ZNF442: variants seen among roughly 807,000 people sequenced by gnomAD.
ZNF442 encodes the protein zinc finger protein 442.
In ZNF442, 45 loss-of-function variants were observed where a neutral mutation model predicts 57.0. That is an observed-to-expected ratio of 0.79 (90% confidence interval 0.62 to 1.01). The LOEUF is 1.01. Among genes scored for constraint, ZNF442 ranks in the 50% least tolerant of loss-of-function variants. ZNF442 has a pLI of 0.00. For synonymous variants in ZNF442, 213 were observed against 241.8 expected (o/e 0.88, Z 1.10); for missense variants, 690 against 756.5 (o/e 0.91, Z 1.03).
chr19:12,361,890 T>C (rs1969434162), intron 3 of ZNF442, among the ~76,000 whole-genome samples: 1 of 152,182 alleles, frequency 6.6e-6, no homozygotes, highest in South Asian at 2.1e-4. Flanking sequence ...TGACTGGTTT[T>C]CATATTTTTT....
In ZNF442 at chr19:12,352,904, G is replaced by A. The variant is rs528568839; in HGVS notation, c.205+84C>T. Reference sequence around the variant, plus strand: ...TGAAGGGTCAACTATATCCCCTTTCGGTATTTCAAATCATTCAACAGCATT... The same window carrying A: ...TGAAGGGTCAACTATATCCCCTTTCAGTATTTCAAATCATTCAACAGCATT... On this transcript the variant is annotated intron_variant, in intron 4 of 5. Coordinates refer to ENST00000242804, the MANE Select transcript of ZNF442 (RefSeq NM_030824.3). The A allele has an allele frequency of 2.0e-4, 306 of 1,510,728 alleles. 6 individuals are homozygous for A. Among genetic ancestry groups the A allele is most frequent in the South Asian group, 1.2e-3 (94 of 80,180 alleles). 93.6% of individuals were successfully genotyped at this position (1,510,728 alleles called of 1,614,324 possible).
Position 12,365,562 on chromosome 19 carries a change from TC to T in ZNF442, c.-513del. 1 of 477,882 alleles carries T rather than the reference TC, an allele frequency of 2.1e-6. No homozygotes were observed. The highest frequency in any genetic ancestry group is 6.7e-5 in the East Asian group (1 of 15,024). The allele number at this position is 477,882 out of a possible 1,614,324, so 29.6% of individuals were successfully genotyped here. On this transcript the variant is annotated 5_prime_UTR_variant, in exon 1 of 6. It introduces an in-frame stop codon into an upstream open reading frame of the 5' UTR. Coordinates refer to ENST00000242804, the MANE Select transcript of ZNF442 (RefSeq NM_030824.3). ...TCCCGGCTTCCGCGGTGTCCCGTGT[TC>T]TCCCCAAGGTTCCCCGCTGCCAGCA...
chr19:12,349,486 T>C lies in ZNF442; in HGVS notation c.*215A>G, dbSNP rs993455541. ...TGCAGGAGGATGTGGATAGGTTACA[T>C]GCAAATGTCCTTTTATAAAAGGAAC... On this transcript the variant is annotated 3_prime_UTR_variant, in exon 6 of 6. Transcript: ENST00000242804. The C allele has an allele frequency of 6.5e-6, 3 of 464,174 alleles. No homozygotes were observed. 28.8% of individuals were successfully genotyped at this position (464,174 alleles called of 1,614,324 possible).
chr19:12,370,397 C>T (rs1969571118), upstream of ZNF442, among the ~76,000 whole-genome samples: 1 of 151,968 alleles, frequency 6.6e-6, no homozygotes, highest in African/African-American at 2.4e-5. Flanking sequence ...GCTGTAAATA[C>T]AGGTAAAGCT....
upstream of ZNF442, among the ~76,000 whole-genome samples, chr19:12,369,922 C>T (rs1053239898): frequency 5.3e-5 from 8 of 150,956 alleles, no homozygotes; most frequent in Non-Finnish European, 8.8e-5. Context: ...AAAAACACGA[C>T]GAGAAAGCTG....
At chr19:12,362,010 G>A (rs1024866503) in intron 3 of ZNF442, among the ~76,000 whole-genome samples, 1 of 152,192 alleles carries the variant, frequency 6.6e-6, no homozygotes, top group East Asian at 1.9e-4. Flanking sequence ...ACGGAGTCTC[G>A]TTCACTCAGT....
chr19:12,362,214 C>A (rs1568490777), intron 3 of ZNF442, among the ~76,000 whole-genome samples: 1 of 152,096 alleles, frequency 6.6e-6, no homozygotes, highest in Admixed American at 6.5e-5. Context: ...CTCTGCCTGG[C>A]CGCCCAGTCT....
upstream of ZNF442, among the ~76,000 whole-genome samples, chr19:12,367,032 A>T (rs966284640): frequency 6.6e-6 from 1 of 152,242 alleles, no homozygotes; most frequent in African/African-American, 2.4e-5. Context: ...GGATCTTGTT[A>T]GGTACCAGGC....
chr19:12,353,130 T>G lies in ZNF442; in HGVS notation c.79-16A>C, dbSNP rs368397290. On this transcript the variant is annotated splice_polypyrimidine_tract_variant and intron_variant, in intron 3 of 5. Coordinates refer to ENST00000242804, the MANE Select transcript of ZNF442 (RefSeq NM_030824.3). ...CTACTGAATCCTGAAACACCCCACA[T>G]GTACAAAGGAGTAAGGCTGAGACTG... 2 of 1,598,932 alleles carry G rather than the reference T, an allele frequency of 1.3e-6. No homozygotes were observed. Among genetic ancestry groups the G allele is most frequent in the Non-Finnish European group, 1.7e-6 (2 of 1,175,488 alleles).
At position 12,361,800 on chromosome 19, in the gene ZNF442, G is replaced by A. The variant is rs905799574; in HGVS notation, c.78+1754C>T. On this transcript the variant is annotated intron_variant, in intron 3 of 5. Coordinates refer to ENST00000242804, the MANE Select transcript of ZNF442 (RefSeq NM_030824.3). Reference sequence around the variant, plus strand: ...GGCTGGACTGTAGTGCCGCCATCTCGGCTCACTGCAACCTCCCTGCTGGAT... The same window carrying A: ...GGCTGGACTGTAGTGCCGCCATCTCAGCTCACTGCAACCTCCCTGCTGGAT... Among the ~76,000 whole-genome samples the A allele has an allele frequency of 2.0e-5, 3 of 151,082 alleles. No homozygotes were observed. The Admixed American group carries it at 2.0e-4, about 10-fold the overall frequency.
chr19:12,357,567 G>C (rs1334924243), intron 3 of ZNF442, among the ~76,000 whole-genome samples: 1 of 151,170 alleles, frequency 6.6e-6, no homozygotes, highest in Non-Finnish European at 1.5e-5. Flanking sequence ...TGGCCAGGCT[G>C]GTCTCGAACT....
At chr19:12,355,286 ATC>A (rs1042680415) in intron 3 of ZNF442, among the ~76,000 whole-genome samples, 11 of 138,262 alleles carry the variant, frequency 8.0e-5, no homozygotes, top group African/African-American at 3.1e-4. Flanking sequence ...GCGAGACTCC[ATC>A]TCAAAAAAAA....
intron 4 of ZNF442, among the ~76,000 whole-genome samples, 162 bp downstream of exon 4, chr19:12,352,826 A>C (rs563513140): frequency 5.9e-5 from 9 of 152,388 alleles, no homozygotes; most frequent in African/African-American, 2.2e-4. Context: ...ACAAAAAGTT[A>C]TATGAATATG....
chr19:12,356,240 T>A (rs2144827235), intron 3 of ZNF442, among the ~76,000 whole-genome samples: 1 of 151,924 alleles, frequency 6.6e-6, no homozygotes, highest in Middle Eastern at 3.4e-3. Context: ...TCCATCAAAC[T>A]GTAGAATGAA....
chr19:12,350,956 A>T lies in ZNF442; in HGVS notation c.629T>A (p.Ile210Lys). ...IIVQRGGGPY[I>K]CKLCGKAFFW... ...AAAGGCTTTCCCACACAACTTACAT[A>T]TATAAGGTCCACCTCCACGTTGTAC... Residue 210 changes from isoleucine (I) to lysine (K), a missense_variant, in exon 6 of 6, where the codon ATA (isoleucine) becomes AAA (lysine). Transcript: ENST00000242804. 2 of 1,614,212 alleles carry T rather than the reference A, an allele frequency of 1.2e-6. No homozygotes were observed. The highest frequency in any genetic ancestry group is 1.7e-6 in the Non-Finnish European group (2 of 1,180,032).
In ZNF442 at chr19:12,365,155, T is replaced by TC. The variant is rs1035589232; in HGVS notation, c.-395dup. The TC allele has an allele frequency of 6.6e-6, 1 of 151,782 alleles. No homozygotes were observed. Among genetic ancestry groups the TC allele is most frequent in the Non-Finnish European group, 1.4e-5 (1 of 69,008 alleles). 9.4% of individuals were successfully genotyped at this position (151,782 alleles called of 1,614,324 possible). A position where few individuals can be genotyped will look rare whatever the true frequency, so the allele number is the denominator to read the frequency against. On this transcript the variant is annotated 5_prime_UTR_variant, in exon 2 of 6. Coordinates refer to ENST00000242804, the MANE Select transcript of ZNF442 (RefSeq NM_030824.3). ...GGCGGAACTGGGGTCTTCTCTCCTC[T>TC]CCCCCTATTAAACTGTTTCTGCTGC...
At chr19:12,354,172 G>A (rs1215504800) in intron 3 of ZNF442, among the ~76,000 whole-genome samples, 9 of 152,154 alleles carry the variant, frequency 5.9e-5, no homozygotes, top group Admixed American at 5.9e-4. Flanking sequence ...TTTTCAAAAT[G>A]TTTATTGCAA....
chr19:12,363,158 CAAAAAAAA>C (rs886442784), intron 3 of ZNF442, among the ~76,000 whole-genome samples: 1 of 60,674 alleles, frequency 1.6e-5, no homozygotes, highest in Non-Finnish European at 3.2e-5. Flanking sequence ...AGCTCCGTCT[CAAAAAAAA>C]AAAAAAAAAA....
Position 12,350,886 on chromosome 19 carries a change from T to C in ZNF442, c.699A>G (p.Gly233=), listed in dbSNP as rs773501280. 6.2e-7 allele frequency: 1 copy of C among 1,614,132 alleles called. No individual in the cohort carries two copies. Among genetic ancestry groups the C allele is most frequent in the East Asian group, 2.2e-5 (1 of 44,878 alleles). The part of the protein sequence containing the change: ...LFRMHERTHT[G]EKPYECKQCC... ...ACTGCTTACATTCATACGGTTTCTCTCCAGTGTGAGTTCTTTCATGCATAC... is the reference window on the plus strand; with the variant it reads ...ACTGCTTACATTCATACGGTTTCTCCCCAGTGTGAGTTCTTTCATGCATAC... The change falls in exon 6 of 6, where the codon GGA becomes GGG. Residue 233 remains glycine, a synonymous_variant. Transcript: ENST00000242804.
Sources: gnomAD v4.1 joint callset for allele counts (sites outside exome capture counted in the v4.1 genomes callset) on GRCh38, gnomAD v4.1.1 for gene constraint, MANE v1.5 for transcripts, NCBI Gene and HGNC (gene_info 2026-07-23, HGNC 2026-07-21) for gene names.